PCBP3: variants seen among roughly 807,000 people sequenced by gnomAD.
PCBP3 encodes the protein poly(rC) binding protein 3.
A neutral mutation model predicts 52.7 loss-of-function variants in PCBP3; 25 were observed. The ratio of observed to expected loss-of-function variants is 0.47; its 90% CI spans 0.35 to 0.66. PCBP3 has a LOEUF of 0.66. Among genes scored for constraint, PCBP3 ranks in the 30% least tolerant of loss-of-function variants. PCBP3 has a pLI of 0.01. For synonymous variants in PCBP3, 162 were observed against 183.0 expected (o/e 0.89, Z 0.93); for missense variants, 391 against 490.3 (o/e 0.80, Z 1.91).
intron 13 of PCBP3, among the ~76,000 whole-genome samples, chr21:45,929,371 TTC>T (rs2075879744): frequency 2.0e-5 from 3 of 152,122 alleles, no homozygotes; most frequent in African/African-American, 7.2e-5. Context: ...CCCTCAGGTG[TTC>T]CCCCCACCCC....
chr21:45,859,944 C>G (rs564348228), intron 5 of PCBP3, among the ~76,000 whole-genome samples: 1 of 152,342 alleles, frequency 6.6e-6, no homozygotes, highest in South Asian at 2.1e-4. Context: ...ACCACAGCAG[C>G]TGTGCACCAG....
intron 2 of PCBP3, among the ~76,000 whole-genome samples, chr21:45,691,355 GATGTTCT>G (rs1278855023): frequency 1.4e-5 from 2 of 147,262 alleles, no homozygotes; most frequent in Non-Finnish European, 3.0e-5. Context: ...CTTTTGGGGT[GATGTTCT>G]ATATCTTGTT....
At chr21:45,726,801 G>A in intron 2 of PCBP3, among the ~76,000 whole-genome samples, 1 of 152,138 alleles carries the variant, frequency 6.6e-6, no homozygotes, top group Admixed American at 6.5e-5. Flanking sequence ...CTTTTCATGT[G>A]CTTATTTGCC....
At chr21:45,770,921 C>G (rs1014281855) in intron 4 of PCBP3, among the ~76,000 whole-genome samples, 1 of 152,268 alleles carries the variant, frequency 6.6e-6, no homozygotes, top group East Asian at 1.9e-4. Flanking sequence ...CTGCCCATGC[C>G]GTCACATGGG....
chr21:45,763,436 C>T (rs1011599711), intron 4 of PCBP3: 11 of 152,594 alleles, frequency 7.2e-5, no homozygotes, highest in African/African-American at 2.7e-4. Context: ...GGGCTGCCCG[C>T]GGATGGATTT....
chr21:45,861,811 C>A (rs1020276221), intron 5 of PCBP3, among the ~76,000 whole-genome samples: 1 of 152,152 alleles, frequency 6.6e-6, no homozygotes, highest in Non-Finnish European at 1.5e-5. Context: ...AGAGACAGAA[C>A]GGGATCCACT....
At chr21:45,909,989 C>T (rs1432727534) in intron 10 of PCBP3, among the ~76,000 whole-genome samples, 34 of 86,988 alleles carry the variant, frequency 3.9e-4, no homozygotes, top group African/African-American at 1.5e-3. Context: ...AGATACGGAC[C>T]CCCCTCACCT....
chr21:45,660,859 T>G (rs1035123954), intron 1 of PCBP3, among the ~76,000 whole-genome samples: 3 of 152,072 alleles, frequency 2.0e-5, no homozygotes, highest in Non-Finnish European at 2.9e-5. Flanking sequence ...GCCAACATGG[T>G]GAAACCCCGT....
At chr21:45,653,696 A>T (rs1386589827) in intron 1 of PCBP3, among the ~76,000 whole-genome samples, 1 of 152,058 alleles carries the variant, frequency 6.6e-6, no homozygotes, top group African/African-American at 2.4e-5. Context: ...TTTGTCTTTT[A>T]ATTGGAACAG....
chr21:45,876,929 G>A (rs1421290838), intron 5 of PCBP3, among the ~76,000 whole-genome samples: 2 of 152,256 alleles, frequency 1.3e-5, no homozygotes, highest in East Asian at 3.9e-4. Context: ...TGCTGGCAAG[G>A]CTTCTCCCGC....
intron 3 of PCBP3, among the ~76,000 whole-genome samples, chr21:45,752,429 C>T (rs532031443): frequency 1.3e-5 from 2 of 151,792 alleles, no homozygotes; most frequent in East Asian, 1.9e-4. Flanking sequence ...TATAGATCAG[C>T]GTTTAAAGTT....
chr21:45,864,154 G>T (rs778867289), intron 5 of PCBP3, among the ~76,000 whole-genome samples: 4 of 152,152 alleles, frequency 2.6e-5, no homozygotes, highest in Non-Finnish European at 5.9e-5. Context: ...GCAAACACTG[G>T]TCACCCTTGT....
At chr21:45,814,889 GTGA>G (rs1463607844) in intron 4 of PCBP3, among the ~76,000 whole-genome samples, 2 of 125,922 alleles carry the variant, frequency 1.6e-5, no homozygotes. Flanking sequence ...TGAGTGGTGA[GTGA>G]TGAGTGGTGA....
At chr21:45,770,048 G>A (rs2145778220) in intron 4 of PCBP3, among the ~76,000 whole-genome samples, 1 of 152,328 alleles carries the variant, frequency 6.6e-6, no homozygotes, top group African/African-American at 2.4e-5. Context: ...CACAGGACAT[G>A]GTGAACGCCG....
rs986594294 is a variant in PCBP3 at position 45,817,507 on chromosome 21, A to G, written c.-125-32454A>G. ...CTTGCCTCTGCTGTCCCCATCTCCC[A>G]TATTCCAGCTGCTGCCGCAGCCCCC... On this transcript the variant is annotated intron_variant, in intron 4 of 17. Coordinates refer to ENST00000681687, the MANE Select transcript of PCBP3 (RefSeq NM_001384156.1). This position sits in a 1 kb window ranked among gnomAD's most constrained non-coding sequence, Gnocchi z 4.3. Among the ~76,000 whole-genome samples, 6 of 152,078 alleles carry G rather than the reference A, an allele frequency of 3.9e-5. No homozygotes were observed. Among genetic ancestry groups the G allele is most frequent in the African/African-American group, 1.4e-4 (6 of 41,390 alleles).
At chr21:45,929,787 C>T in intron 13 of PCBP3, 130 bp from the exon 14 acceptor site, 3 of 712,054 alleles carry the variant, frequency 4.2e-6, no homozygotes, top group Non-Finnish European at 7.6e-6. Context: ...CGTTCTCTTG[C>T]ATCTGCCATG....
intron 8 of PCBP3, 21 bp from the exon 9 acceptor site, chr21:45,900,976 G>A (rs2075887): frequency 0.015 from 23,459 of 1,581,606 alleles, 807 homozygotes; most frequent in East Asian, 0.14. Context: ...GGTCGCTGGG[G>A]TTTCTCTGCT....
At chr21:45,865,404 T>C (rs2094678980) in intron 5 of PCBP3, among the ~76,000 whole-genome samples, 1 of 152,238 alleles carries the variant, frequency 6.6e-6, no homozygotes, top group African/African-American at 2.4e-5. Context: ...CCGGTGCTAC[T>C]GGATGGATAT....
intron 5 of PCBP3, among the ~76,000 whole-genome samples, chr21:45,863,822 C>A (rs543107975): frequency 1.3e-5 from 2 of 152,148 alleles, no homozygotes; most frequent in East Asian, 3.9e-4. Context: ...AGATTGGCTT[C>A]GACGGGAGTC....
Sources: allele counts gnomAD v4.1 joint callset (sites outside exome capture counted in the v4.1 genomes callset), GRCh38; gene constraint gnomAD v4.1.1; non-coding constraint Gnocchi (gnomAD v3.1); transcripts MANE v1.5; gene names NCBI Gene and HGNC (gene_info 2026-07-23, HGNC 2026-07-21).